ROBO1: variants seen among roughly 807,000 people sequenced by gnomAD.
ROBO1 encodes roundabout homolog 1.
Under a neutral mutation model 195.9 loss-of-function variants are expected in ROBO1, and 149 were observed. The observed-to-expected ratio is 0.76, with a 90% CI of 0.67 to 0.87. The LOEUF is 0.87. Among genes scored for constraint, ROBO1 ranks in the 40% least tolerant of loss-of-function variants. The probability of loss-of-function intolerance (pLI) is 0.00; values close to 1 mark genes in which losing one functional copy is unlikely to be tolerated. For synonymous variants in ROBO1, 816 were observed against 733.2 expected, an observed-to-expected ratio of 1.11 and a Z score of -1.82; for missense variants, 1,933 against 2,068.3, an observed-to-expected ratio of 0.93 and a Z score of 1.27.
At position 79,254,456 on chromosome 3, in the gene ROBO1, ACATT is replaced by A. The variant is rs751627738; in HGVS notation, c.89-128921_89-128918del. Among the ~76,000 whole-genome samples the A allele has an allele frequency of 8.0e-5, 12 of 149,408 alleles. 1 individual carries two copies. The highest frequency in any genetic ancestry group is 2.1e-4 in the South Asian group (1 of 4,796). ...TCCGCTAGAGAAAGGAAGCTCACAC[ACATT>A]CACACACTCACACATTCACACACTC... On this transcript the variant is annotated intron_variant, in intron 2 of 30. Coordinates refer to ENST00000464233, the MANE Select transcript of ROBO1 (RefSeq NM_002941.4).
intron 4 of ROBO1, among the ~76,000 whole-genome samples, chr3:78,767,813 C>CT (rs1037891071): frequency 7.9e-5 from 12 of 151,704 alleles, no homozygotes; most frequent in Non-Finnish European, 1.3e-4. Context: ...GATTTTCTTT[C>CT]TTTTTTTTCT....
At chr3:78,743,370 C>A (rs577500944) in intron 5 of ROBO1, among the ~76,000 whole-genome samples, 12 of 152,138 alleles carry the variant, frequency 7.9e-5, no homozygotes, top group Admixed American at 1.3e-4. Context: ...ACTCAGTCAC[C>A]GACACCTCCT....
At chr3:78,740,959 G>T (rs926616843) in intron 5 of ROBO1, among the ~76,000 whole-genome samples, 1 of 151,892 alleles carries the variant, frequency 6.6e-6, no homozygotes, top group Non-Finnish European at 1.5e-5. Flanking sequence ...ATTACTACTT[G>T]TCAATTAGCA....
chr3:78,812,609 A>T (rs1179978724), intron 4 of ROBO1, among the ~76,000 whole-genome samples: 2 of 152,044 alleles, frequency 1.3e-5, no homozygotes, highest in Non-Finnish European at 2.9e-5. Context: ...TCAGCATCTA[A>T]CATGCCATCC....
At chr3:79,324,891 G>A (rs1305944677) in intron 2 of ROBO1, among the ~76,000 whole-genome samples, 2 of 152,196 alleles carry the variant, frequency 1.3e-5, no homozygotes, top group Admixed American at 1.3e-4. Flanking sequence ...GGCTCTCAGG[G>A]AGACAAGAAT....
At chr3:79,531,224 C>T (rs1375869746) in intron 2 of ROBO1, among the ~76,000 whole-genome samples, 2 of 152,096 alleles carry the variant, frequency 1.3e-5, no homozygotes, top group Non-Finnish European at 1.5e-5. Flanking sequence ...TTCCTTAAAA[C>T]AGCCATAGTA....
At position 79,323,880 on chromosome 3, in the gene ROBO1, C is replaced by G. The variant is rs551318638; in HGVS notation, c.89-198341G>C. 3.3e-5 allele frequency among the ~76,000 whole-genome samples: 5 copies of G among 152,134 alleles called. No individual in the cohort carries two copies. In the South Asian group the frequency reaches 1.0e-3, roughly 32 times the overall value. ...TTAACCCAGTAGTATAGATGTATGCCCCCCGAGTAGTGTTAATCTGTTTAT... is the reference window on the plus strand; with the variant it reads ...TTAACCCAGTAGTATAGATGTATGCGCCCCGAGTAGTGTTAATCTGTTTAT... On this transcript the variant is annotated intron_variant, in intron 2 of 30. Coordinates refer to ENST00000464233, the MANE Select transcript of ROBO1 (RefSeq NM_002941.4).
At chr3:78,872,451 A>C (rs1217866467) in intron 4 of ROBO1, among the ~76,000 whole-genome samples, 1 of 152,202 alleles carries the variant, frequency 6.6e-6, no homozygotes, top group Non-Finnish European at 1.5e-5. Flanking sequence ...ATCTGAATCT[A>C]TTCTGGAATC....
chr3:79,640,275 T>C (rs1945617328), intron 1 of ROBO1, among the ~76,000 whole-genome samples: 1 of 152,080 alleles, frequency 6.6e-6, no homozygotes, highest in Non-Finnish European at 1.5e-5. Context: ...GTAATAATTA[T>C]GACATTAGCT....
At chr3:79,122,868 T>C (rs1559676552) in intron 3 of ROBO1, among the ~76,000 whole-genome samples, 1 of 151,964 alleles carries the variant, frequency 6.6e-6, no homozygotes, top group Non-Finnish European at 1.5e-5. Flanking sequence ...TTCTTTTTTA[T>C]ATATACTAAA....
At chr3:78,671,503 C>A (rs1376518491) in intron 10 of ROBO1, among the ~76,000 whole-genome samples, 2 of 151,694 alleles carry the variant, frequency 1.3e-5, no homozygotes, top group Non-Finnish European at 2.9e-5. Context: ...ATGTTCCAAG[C>A]TTTATGCACC....
chr3:78,958,640 C>T (rs1201096532), intron 3 of ROBO1, among the ~76,000 whole-genome samples: 1 of 152,016 alleles, frequency 6.6e-6, no homozygotes, highest in African/African-American at 2.4e-5. Context: ...TCAAGTTTAT[C>T]GATGACTTAG....
At chr3:79,735,119 T>G (rs1375690190) in intron 1 of ROBO1, among the ~76,000 whole-genome samples, 1 of 152,262 alleles carries the variant, frequency 6.6e-6, no homozygotes, top group Non-Finnish European at 1.5e-5. Context: ...GATCCATACC[T>G]TCTGCATCAT....
chr3:79,747,495 A>G (rs1703928438), intron 1 of ROBO1, among the ~76,000 whole-genome samples: 1 of 152,078 alleles, frequency 6.6e-6, no homozygotes, highest in African/African-American at 2.4e-5. Flanking sequence ...AGAAATTGGG[A>G]AGTAAACATC....
At chr3:78,804,215 CT>C (rs1376673046) in intron 4 of ROBO1, among the ~76,000 whole-genome samples, 1 of 152,090 alleles carries the variant, frequency 6.6e-6, no homozygotes, top group Non-Finnish European at 1.5e-5. Flanking sequence ...TGTTTGGAGA[CT>C]TGTGTCTGTT....
chr3:79,114,752 T>C (rs1302745844), intron 3 of ROBO1, among the ~76,000 whole-genome samples: 1 of 152,136 alleles, frequency 6.6e-6, no homozygotes. Flanking sequence ...ATTATATACA[T>C]TGTGTATGTA....
intron 2 of ROBO1, among the ~76,000 whole-genome samples, chr3:79,306,814 C>T (rs1430083417): frequency 6.6e-6 from 1 of 152,076 alleles, no homozygotes; most frequent in Non-Finnish European, 1.5e-5. Flanking sequence ...TTCTTGTTTG[C>T]ATTTTAAATT....
chr3:78,963,561 C>T (rs1429482399), intron 3 of ROBO1, among the ~76,000 whole-genome samples: 2 of 136,766 alleles, frequency 1.5e-5, no homozygotes, highest in East Asian at 4.3e-4. Flanking sequence ...CTCTGTCGCC[C>T]AGGCTGGAGT....
intron 2 of ROBO1, among the ~76,000 whole-genome samples, chr3:79,452,705 A>C (rs2039484642): frequency 6.6e-6 from 1 of 152,104 alleles, no homozygotes; most frequent in Non-Finnish European, 1.5e-5. Flanking sequence ...ATATACCTGA[A>C]GAGTTTTATT....
Sources: gnomAD v4.1 joint callset for allele counts (sites outside exome capture counted in the v4.1 genomes callset) on GRCh38, gnomAD v4.1.1 for gene constraint, MANE v1.5 for transcripts, NCBI Gene and HGNC (gene_info 2026-07-23, HGNC 2026-07-21) for gene names.